Variants in NAV3 observed in about 807,000 individuals in gnomAD.
NAV3 encodes neuron navigator 3, also known as pore membrane and/or filament interacting like protein 1.
A neutral mutation model predicts 244.7 loss-of-function variants in NAV3; 87 were observed. That is an observed-to-expected ratio of 0.36 (90% CI 0.30 to 0.42). NAV3 has a LOEUF of 0.42. Among genes scored for constraint, NAV3 ranks in the 20% least tolerant of loss-of-function variants. NAV3 has a pLI of 1.00. For missense variants in NAV3, 2,663 were observed against 2,893.3 expected (o/e 0.92, Z 1.83); for synonymous variants, 1,126 against 1,042.2 (o/e 1.08, Z -1.55).
chr12:77,965,189 T>C (rs569419983), intron 3 of NAV3, among the ~76,000 whole-genome samples: 1 of 152,328 alleles, frequency 6.6e-6, no homozygotes, highest in South Asian at 2.1e-4. Flanking sequence ...GAATTGGAAC[T>C]TTTTAGCTTT....
chr12:78,046,442 A>G (rs1456125860), intron 9 of NAV3, among the ~76,000 whole-genome samples: 2 of 152,246 alleles, frequency 1.3e-5, no homozygotes, highest in East Asian at 1.9e-4. Context: ...CTTTATTCTC[A>G]TTGGTTTCAA....
At chr12:78,115,480 G>A (rs1955329171) in intron 12 of NAV3, among the ~76,000 whole-genome samples, 1 of 152,062 alleles carries the variant, frequency 6.6e-6, no homozygotes, top group Admixed American at 6.6e-5. Flanking sequence ...CACTATTTCT[G>A]CATAATCTAA....
At chr12:78,186,696 A>G (rs1958736196) in intron 31 of NAV3, among the ~76,000 whole-genome samples, 3 of 151,912 alleles carry the variant, frequency 2.0e-5, no homozygotes, top group East Asian at 3.9e-4. Context: ...TTTCTAAAAA[A>G]GCTTCCATGA....
chr12:78,149,637 A>G (rs1956995382), intron 22 of NAV3, among the ~76,000 whole-genome samples: 1 of 152,084 alleles, frequency 6.6e-6, no homozygotes, highest in Non-Finnish European at 1.5e-5. Flanking sequence ...AGTGAGGGGT[A>G]AGGAAATGCC....
chr12:78,207,794 G>A (rs1327809177), intron 39 of NAV3, among the ~76,000 whole-genome samples: 3 of 152,152 alleles, frequency 2.0e-5, no homozygotes, highest in Admixed American at 1.3e-4. Context: ...TTATCACAGA[G>A]ACAGTGGAGA....
chr12:77,674,039 T>C (rs551547428), intron 2 of NAV3, among the ~76,000 whole-genome samples: 1 of 152,274 alleles, frequency 6.6e-6, no homozygotes. Context: ...TGAACCATCA[T>C]TTCCAAAGGA....
At chr12:77,859,758 CA>C (rs61516625) in intron 1 of NAV3, among the ~76,000 whole-genome samples, 2,554 of 68,632 alleles carry the variant, frequency 0.037, 15 homozygotes, top group African/African-American at 0.078. Flanking sequence ...CTTTCAAATG[CA>C]AAAAAAAAAA....
At chr12:77,712,461 AAG>A (rs1444562224) in intron 2 of NAV3, among the ~76,000 whole-genome samples, 6 of 152,184 alleles carry the variant, frequency 3.9e-5, no homozygotes, top group African/African-American at 7.2e-5. Flanking sequence ...GTGAAACAAA[AAG>A]AGGCCAGTCT....
At chr12:77,743,091 C>T (rs577355548) in intron 2 of NAV3, among the ~76,000 whole-genome samples, 5 of 152,010 alleles carry the variant, frequency 3.3e-5, no homozygotes, top group South Asian at 2.1e-4. Context: ...CCATTTCAGA[C>T]GGATGATTCA....
chr12:78,013,513 A>G lies in NAV3; in HGVS notation c.1907+6068A>G, dbSNP rs983560654. On this transcript the variant is annotated intron_variant, in intron 8 of 39. Transcript: ENST00000397909. ...GAACCACATAAACAAAGTCAATAAA[A>G]GATACGTAGGCTGGTCGGCAAGTAG... Among the ~76,000 whole-genome samples, 9 of 152,110 alleles carry G rather than the reference A, an allele frequency of 5.9e-5. No individual in the cohort carries two copies. In the East Asian group the frequency reaches 1.7e-3, roughly 29 times the overall value.
At chr12:78,034,973 G>T (rs1472823842) in intron 9 of NAV3, among the ~76,000 whole-genome samples, 2 of 152,236 alleles carry the variant, frequency 1.3e-5, no homozygotes, top group East Asian at 3.9e-4. Flanking sequence ...ATAATTCACA[G>T]ATTTCTTTAT....
intron 2 of NAV3, among the ~76,000 whole-genome samples, chr12:77,584,565 G>A (rs1044388959): frequency 6.6e-6 from 1 of 152,100 alleles, no homozygotes; most frequent in Non-Finnish European, 1.5e-5. Flanking sequence ...AAAGGGCAAA[G>A]CTATCAAAGC....
At chr12:77,956,273 C>G (rs893453437) in intron 3 of NAV3, among the ~76,000 whole-genome samples, 4 of 152,036 alleles carry the variant, frequency 2.6e-5, no homozygotes, top group Non-Finnish European at 4.4e-5. Context: ...GCTAGTATTA[C>G]ATGTTTAATG....
At chr12:78,114,264 C>T (rs373496895) in intron 12 of NAV3, among the ~76,000 whole-genome samples, 1 of 152,160 alleles carries the variant, frequency 6.6e-6, no homozygotes, top group Non-Finnish European at 1.5e-5. Flanking sequence ...CAAACTGTTC[C>T]AACTTCTGCC....
chr12:78,024,418 T>G (rs1366207154), intron 9 of NAV3, among the ~76,000 whole-genome samples: 1 of 152,178 alleles, frequency 6.6e-6, no homozygotes, highest in Non-Finnish European at 1.5e-5. Flanking sequence ...ATACCTTTTT[T>G]TCTCAAATGT....
At chr12:78,149,021 C>A in intron 22 of NAV3, 102 bp downstream of exon 22, 1 of 926,148 alleles carries the variant, frequency 1.1e-6, no homozygotes, top group Non-Finnish European at 1.7e-6. Flanking sequence ...CTGATACAGA[C>A]TTAGATTACC....
At chr12:77,785,396 C>T (rs1870857635) in intron 2 of NAV3, among the ~76,000 whole-genome samples, 1 of 152,056 alleles carries the variant, frequency 6.6e-6, no homozygotes, top group Non-Finnish European at 1.5e-5. Context: ...GTCTCCTAAA[C>T]AGAGATTGGG....
At position 77,945,181 on chromosome 12, in the gene NAV3, G is replaced by T. The variant is rs553889270; in HGVS notation, c.414+4048G>T. On this transcript the variant is annotated intron_variant, in intron 3 of 39. Coordinates refer to ENST00000397909, the MANE Select transcript of NAV3 (RefSeq NM_001024383.2). Reference sequence around the variant, plus strand: ...GAGTTGAGGGGAGTTTTTGCAAGGGGGGAAGAAAGCATAGAAGGAGGAAGC... The same window carrying T: ...GAGTTGAGGGGAGTTTTTGCAAGGGTGGAAGAAAGCATAGAAGGAGGAAGC... Among the ~76,000 whole-genome samples the T allele has an allele frequency of 3.3e-5, 5 of 152,020 alleles. No homozygotes were observed. In the South Asian group the frequency reaches 8.3e-4, roughly 25 times the overall value.
intron 16 of NAV3, among the ~76,000 whole-genome samples, chr12:78,124,596 G>A (rs1955826364): frequency 6.6e-6 from 1 of 152,092 alleles, no homozygotes; most frequent in African/African-American, 2.4e-5. Flanking sequence ...TGGGGTTATA[G>A]GAGCGGACCA....
Sources: allele counts gnomAD v4.1 joint callset (sites outside exome capture counted in the v4.1 genomes callset), GRCh38; gene constraint gnomAD v4.1.1; transcripts MANE v1.5; gene names NCBI Gene and HGNC (gene_info 2026-07-23, HGNC 2026-07-21).